Variants in KDM4C observed in about 807,000 individuals in gnomAD.
The protein encoded by KDM4C is lysine demethylase 4C, also known as lysine-specific demethylase 4C.
KDM4C carries 81 observed loss-of-function variants against 129.3 expected under a neutral mutation model. The ratio of observed to expected loss-of-function variants is 0.63; its 90% CI spans 0.52 to 0.75. The LOEUF (loss-of-function observed/expected upper bound fraction) is 0.75. Ranked by LOEUF, KDM4C falls within the 30% of genes least tolerant of loss-of-function variation. The pLI, the probability that KDM4C is intolerant of heterozygous loss-of-function variation, is 0.00. For synonymous variants in KDM4C, 573 were observed against 456.1 expected (o/e 1.26, Z -3.26); for missense variants, 1,457 against 1,304.0 (o/e 1.12, Z -1.81).
intron 1 of KDM4C, among the ~76,000 whole-genome samples, chr9:6,788,991 A>C (rs1825996736): frequency 6.6e-6 from 1 of 151,954 alleles, no homozygotes; most frequent in South Asian, 2.1e-4. Context: ...TACAGTGCAG[A>C]CAGTGATGAT....
intron 15 of KDM4C, among the ~76,000 whole-genome samples, chr9:7,044,999 G>C (rs1355977802): frequency 1.3e-5 from 2 of 151,956 alleles, no homozygotes; most frequent in African/African-American, 4.8e-5. Flanking sequence ...GGTGAACCAA[G>C]GACTTGGAAT....
intron 17 of KDM4C, among the ~76,000 whole-genome samples, chr9:7,085,225 T>C (rs533240091): frequency 5.9e-5 from 9 of 152,322 alleles, no homozygotes; most frequent in African/African-American, 1.9e-4. Flanking sequence ...TGAAGGGGCA[T>C]ATTTGGCTCA....
intron 8 of KDM4C, among the ~76,000 whole-genome samples, chr9:6,980,552 T>C (rs1816592740): frequency 6.6e-6 from 1 of 152,240 alleles, no homozygotes; most frequent in African/African-American, 2.4e-5. Flanking sequence ...ATTTTATTTG[T>C]TGACAACCCA....
chr9:6,925,138 C>T (rs1204501495), intron 8 of KDM4C: 21 of 985,242 alleles, frequency 2.1e-5, no homozygotes, highest in Non-Finnish European at 2.4e-5. Context: ...TTCATGGATG[C>T]CAAGCAGTGC....
At chr9:6,986,902 T>A (rs1817817749) in intron 11 of KDM4C, 2 of 431,660 alleles carry the variant, frequency 4.6e-6, no homozygotes, top group Non-Finnish European at 8.2e-6. Flanking sequence ...TTGATTTTCT[T>A]TTTTTTGTTA....
intron 1 of KDM4C, among the ~76,000 whole-genome samples, chr9:6,772,428 C>A (rs547167702): frequency 1.3e-5 from 2 of 152,132 alleles, no homozygotes; most frequent in Non-Finnish European, 2.9e-5. Context: ...ATGGCACGAT[C>A]TTGGCTCACC....
At chr9:7,160,397 G>A (rs572339853) in intron 19 of KDM4C, among the ~76,000 whole-genome samples, 1 of 152,286 alleles carries the variant, frequency 6.6e-6, no homozygotes, top group East Asian at 1.9e-4. Context: ...GTGATCCTTT[G>A]GAGAAGAGGT....
chr9:6,836,317 C>T (rs922637632), intron 4 of KDM4C, among the ~76,000 whole-genome samples: 41 of 152,082 alleles, frequency 2.7e-4, no homozygotes, highest in South Asian at 8.3e-4. Context: ...GGTTGCGGTG[C>T]GCCAAGATCA....
At chr9:7,046,731 G>A in intron 15 of KDM4C, 131 bp from the exon 16 acceptor site, 1 of 717,654 alleles carries the variant, frequency 1.4e-6, no homozygotes, top group South Asian at 1.7e-5. Context: ...CTCAGAGATA[G>A]ACCTTCATGT....
At chr9:6,994,960 G>A (rs1819426104) in intron 12 of KDM4C, among the ~76,000 whole-genome samples, 1 of 152,130 alleles carries the variant, frequency 6.6e-6, no homozygotes, top group Non-Finnish European at 1.5e-5. Flanking sequence ...GGCTTTTGGA[G>A]CTGTGACATT....
intron 8 of KDM4C, among the ~76,000 whole-genome samples, chr9:6,908,887 A>G (rs1818790200): frequency 6.6e-6 from 1 of 152,202 alleles, no homozygotes; most frequent in South Asian, 2.1e-4. Flanking sequence ...AAATAATGAG[A>G]GTAAACTCCT....
chr9:6,821,565 G>A (rs1041518030), intron 4 of KDM4C, among the ~76,000 whole-genome samples: 9 of 151,942 alleles, frequency 5.9e-5, no homozygotes, highest in African/African-American at 2.2e-4. Context: ...TTTTGATGGG[G>A]TTGTTTGTTT....
chr9:6,813,496 C>T (rs931143172), intron 3 of KDM4C, among the ~76,000 whole-genome samples: 3 of 152,148 alleles, frequency 2.0e-5, no homozygotes, highest in African/African-American at 4.8e-5. Context: ...GTTTGGGGTC[C>T]CCAGTATAGT....
intron 1 of KDM4C, among the ~76,000 whole-genome samples, chr9:6,782,647 CA>C (rs1286315123): frequency 6.6e-6 from 1 of 151,968 alleles, no homozygotes; most frequent in African/African-American, 2.4e-5. Context: ...TAAAGTGAAG[CA>C]AAGGTTTCAA....
At chr9:7,025,223 A>G (rs1460230073) in intron 15 of KDM4C, among the ~76,000 whole-genome samples, 1 of 151,990 alleles carries the variant, frequency 6.6e-6, no homozygotes, top group Non-Finnish European at 1.5e-5. Flanking sequence ...TCTTTTTTTC[A>G]TCTGCTTATT....
intron 8 of KDM4C, among the ~76,000 whole-genome samples, chr9:6,914,414 A>G (rs1819934064): frequency 6.6e-6 from 1 of 152,184 alleles, no homozygotes; most frequent in African/African-American, 2.4e-5. Flanking sequence ...AGACAGTAAC[A>G]GATGAGTACA....
At chr9:6,901,678 G>C (rs1817434486) in intron 8 of KDM4C, among the ~76,000 whole-genome samples, 1 of 152,146 alleles carries the variant, frequency 6.6e-6, no homozygotes. Context: ...GGTGTTTTTA[G>C]GGAAAGGGGC....
At chr9:6,827,872 C>T (rs1428324804) in intron 4 of KDM4C, among the ~76,000 whole-genome samples, 1 of 152,202 alleles carries the variant, frequency 6.6e-6, no homozygotes, top group Non-Finnish European at 1.5e-5. Flanking sequence ...GTTATGGCTG[C>T]TCTTTAGTGA....
intron 4 of KDM4C, among the ~76,000 whole-genome samples, chr9:6,839,352 T>C (rs1026687361): frequency 6.6e-6 from 1 of 150,994 alleles, no homozygotes; most frequent in African/African-American, 2.4e-5. Flanking sequence ...ACGTCAACTT[T>C]CCTAGTAGCT....
Sources: allele counts gnomAD v4.1 joint callset (sites outside exome capture counted in the v4.1 genomes callset), GRCh38; gene constraint gnomAD v4.1.1; transcripts MANE v1.5; gene names NCBI Gene and HGNC (gene_info 2026-07-23, HGNC 2026-07-21).